CSMD1: variants seen among roughly 807,000 people sequenced by gnomAD.
The protein encoded by CSMD1 is CUB and Sushi multiple domains 1, also known as CUB and sushi domain-containing protein 1.
A neutral mutation model predicts 417.5 loss-of-function variants in CSMD1; 213 were observed. The ratio of observed to expected loss-of-function variants is 0.51; its 90% CI spans 0.46 to 0.57. The LOEUF is 0.57. CSMD1 is among the 20% of genes least tolerant of loss of function. CSMD1 has a pLI of 0.00. For missense variants in CSMD1, 6,923 were observed against 4,529.7 expected, an observed-to-expected ratio of 1.53 and a Z score of -15.17; for synonymous variants, 2,862 against 1,736.8, an observed-to-expected ratio of 1.65 and a Z score of -16.11.
intron 1 of CSMD1, among the ~76,000 whole-genome samples, chr8:4,932,113 T>A (rs998256549): frequency 6.6e-6 from 1 of 152,246 alleles, no homozygotes; most frequent in Non-Finnish European, 1.5e-5. Flanking sequence ...TTTGGAATCT[T>A]TCAATGTTTA....
intron 6 of CSMD1, among the ~76,000 whole-genome samples, chr8:3,723,197 A>C (rs192112825): frequency 6.6e-6 from 1 of 152,232 alleles, no homozygotes; most frequent in Admixed American, 6.5e-5. Context: ...GCACTCAGGG[A>C]AGCTTGTGGC....
At chr8:4,498,651 T>C (rs1802096672) in intron 2 of CSMD1, among the ~76,000 whole-genome samples, 3 of 152,218 alleles carry the variant, frequency 2.0e-5, no homozygotes, top group African/African-American at 7.2e-5. Context: ...TCTAATTTTA[T>C]CTGCAAAGAG....
intron 7 of CSMD1, among the ~76,000 whole-genome samples, chr8:3,687,362 T>C (rs1380499442): frequency 1.3e-5 from 2 of 152,218 alleles, no homozygotes; most frequent in Non-Finnish European, 2.9e-5. Flanking sequence ...CCCCTTTCTA[T>C]TAAAATCCAT....
chr8:4,132,312 G>A (rs1009192749), intron 3 of CSMD1, among the ~76,000 whole-genome samples: 1 of 151,008 alleles, frequency 6.6e-6, no homozygotes, highest in African/African-American at 2.4e-5. Context: ...AACTCAGACT[G>A]AGCAAGACAC....
At chr8:4,313,534 G>C (rs1436101591) in intron 3 of CSMD1, among the ~76,000 whole-genome samples, 1 of 151,502 alleles carries the variant, frequency 6.6e-6, no homozygotes, top group Non-Finnish European at 1.5e-5. Context: ...TCACGCGTAG[G>C]TCACATCAGG....
chr8:4,267,985 T>G (rs1471241046), intron 3 of CSMD1, among the ~76,000 whole-genome samples: 1 of 152,018 alleles, frequency 6.6e-6, no homozygotes, highest in East Asian at 1.9e-4. Context: ...TCAGTACAAG[T>G]GAGATGGTGG....
chr8:3,384,213 G>C (rs73173168), intron 18 of CSMD1, among the ~76,000 whole-genome samples: 72,752 of 151,740 alleles, frequency 0.48, 17,624 homozygotes, highest in Middle Eastern at 0.51. Flanking sequence ...TTTAAAAAAT[G>C]GTTGTCTGAG....
chr8:4,289,566 T>G (rs1797246226), intron 3 of CSMD1, among the ~76,000 whole-genome samples: 1 of 152,162 alleles, frequency 6.6e-6, no homozygotes, highest in Non-Finnish European at 1.5e-5. Context: ...CACTCAGAAT[T>G]CATCACATTT....
At chr8:3,907,788 C>T (rs974573443) in intron 5 of CSMD1, among the ~76,000 whole-genome samples, 2 of 152,302 alleles carry the variant, frequency 1.3e-5, no homozygotes, top group South Asian at 2.1e-4. Flanking sequence ...GAATCACCCG[C>T]TGCTCGTATC....
intron 2 of CSMD1, among the ~76,000 whole-genome samples, chr8:4,478,749 G>A (rs942528639): frequency 6.6e-6 from 1 of 152,120 alleles, no homozygotes; most frequent in East Asian, 1.9e-4. Context: ...TTAGCTCATA[G>A]AAATTCATAA....
chr8:3,507,184 T>C (rs935709524), intron 10 of CSMD1, among the ~76,000 whole-genome samples: 1 of 152,194 alleles, frequency 6.6e-6, no homozygotes, highest in African/African-American at 2.4e-5. Context: ...GGGAACTCAA[T>C]TGTGAATCAT....
At chr8:3,802,909 C>G (rs910135175) in intron 5 of CSMD1, among the ~76,000 whole-genome samples, 39 of 152,026 alleles carry the variant, frequency 2.6e-4, no homozygotes, top group African/African-American at 8.2e-4. Flanking sequence ...CAAAGGAAAA[C>G]AGGAATTTTG....
intron 1 of CSMD1, among the ~76,000 whole-genome samples, chr8:4,865,629 C>G (rs1422224196): frequency 6.6e-6 from 1 of 151,854 alleles, no homozygotes; most frequent in Non-Finnish European, 1.5e-5. Context: ...TTACGAAGAT[C>G]TAAGTACAAT....
chr8:3,031,464 C>A (rs999729251), intron 50 of CSMD1, among the ~76,000 whole-genome samples: 1 of 150,944 alleles, frequency 6.6e-6, no homozygotes, highest in Non-Finnish European at 1.5e-5. Flanking sequence ...TAAAGTCTAA[C>A]AATAATAAAA....
intron 3 of CSMD1, among the ~76,000 whole-genome samples, chr8:4,212,743 G>A (rs1254607686): frequency 5.7e-5 from 7 of 123,678 alleles, no homozygotes; most frequent in African/African-American, 2.8e-4. Flanking sequence ...TACAACAGCG[G>A]CCTTATTCTT....
chr8:3,275,839 T>C (rs970949992), intron 26 of CSMD1, among the ~76,000 whole-genome samples: 1 of 152,032 alleles, frequency 6.6e-6, no homozygotes, highest in African/African-American at 2.4e-5. Flanking sequence ...TCTAAACTTT[T>C]TTCATAGTTT....
intron 26 of CSMD1, among the ~76,000 whole-genome samples, chr8:3,273,820 G>A (rs1802062060): frequency 6.6e-6 from 1 of 151,366 alleles, no homozygotes; most frequent in Admixed American, 6.6e-5. Flanking sequence ...ATTCCTCTCT[G>A]TTTTTTTCTT....
At chr8:3,474,529 T>C (rs1172123522) in intron 11 of CSMD1, among the ~76,000 whole-genome samples, 1 of 152,230 alleles carries the variant, frequency 6.6e-6, no homozygotes, top group Non-Finnish European at 1.5e-5. Flanking sequence ...CTTAAAAGTG[T>C]GTATAGTTCA....
At chr8:3,365,201 T>C (rs747578706) in intron 20 of CSMD1, among the ~76,000 whole-genome samples, 16 of 152,238 alleles carry the variant, frequency 1.1e-4, no homozygotes, top group Admixed American at 3.3e-4. Flanking sequence ...GCAAGTTTCA[T>C]GATTACTGCT....
Sources: gnomAD v4.1 joint callset for allele counts (sites outside exome capture counted in the v4.1 genomes callset) on GRCh38, gnomAD v4.1.1 for gene constraint, MANE v1.5 for transcripts, NCBI Gene and HGNC (gene_info 2026-07-23, HGNC 2026-07-21) for gene names.